HSPD1: variants seen among roughly 807,000 people sequenced by gnomAD.
HSPD1 encodes heat shock protein family D (Hsp60) member 1.
A neutral mutation model predicts 53.0 loss-of-function variants in HSPD1; 3 were observed. The observed-to-expected ratio is 0.06, with a 90% CI of 0.03 to 0.15. The LOEUF is 0.15. Ranked by LOEUF, HSPD1 falls within the 10% of genes least tolerant of loss-of-function variation. HSPD1 has a pLI of 1.00. For missense variants in HSPD1, 431 were observed against 694.1 expected (o/e 0.62, Z 4.26); for synonymous variants, 200 against 228.0 (o/e 0.88, Z 1.10).
At chr2:197,490,085 G>A (rs2086072336) in intron 8 of HSPD1, 112 bp downstream of exon 8, 7 of 855,448 alleles carry the variant, frequency 8.2e-6, no homozygotes, top group South Asian at 6.9e-5. Context: ...ACCTTCCAAA[G>A]AGCCAAAAGA....
rs528363238 is a variant in HSPD1 at position 197,490,219 on chromosome 2, A to G, written c.947T>C (p.Met316Thr). The G allele has an allele frequency of 2.2e-5, 35 of 1,613,170 alleles. No homozygotes were observed. Among genetic ancestry groups the G allele is most frequent in the South Asian group, 2.1e-4 (19 of 91,064 alleles). The change falls in exon 8 of 12, where the codon ATG (methionine) becomes ACG (threonine). Residue 316 changes from methionine to threonine, a missense_variant. By Grantham distance (81) the Met-to-Thr change is moderately conservative (BLOSUM62 -1). This residue lies in a region of HSPD1 where 386 missense variants were observed against 657.6 expected (regional missense o/e 0.59). Coordinates refer to ENST00000388968, the MANE Select transcript of HSPD1 (RefSeq NM_002156.5). ...TACTGCACCACCAGTAGCAATAGCCATATCTTTAAGCTGGTTCTTTCTATT... is the reference window on the plus strand; with the variant it reads ...TACTGCACCACCAGTAGCAATAGCCGTATCTTTAAGCTGGTTCTTTCTATT... ...GDNRKNQLKD[M>T]AIATGGAVFG... is the part of the protein sequence containing the mutation.
In HSPD1 at chr2:197,486,815, A is replaced by G. The variant is rs2086031131; in HGVS notation, c.*231T>C. 1 of 521,372 alleles carries G rather than the reference A, an allele frequency of 1.9e-6. No individual in the cohort carries two copies. The highest frequency in any genetic ancestry group is 3.5e-5 in the East Asian group (1 of 28,662). The allele number at this position is 521,372 out of a possible 1,614,324, so 32.3% of individuals were successfully genotyped here. A position where few individuals can be genotyped will look rare whatever the true frequency, so the allele number is the denominator to read the frequency against. Reference sequence around the variant, plus strand: ...TTGTACCCAGTATCAGGAATGTACAAATGTTTTTTATTCAAAAATACAAAA... The same window carrying G: ...TTGTACCCAGTATCAGGAATGTACAGATGTTTTTTATTCAAAAATACAAAA... On this transcript the variant is annotated 3_prime_UTR_variant, in exon 12 of 12. Transcript: ENST00000388968.
At chr2:197,487,362 C>A (rs1044716981) in intron 11 of HSPD1, among the ~76,000 whole-genome samples, 164 bp from the exon 12 acceptor site, 1 of 152,124 alleles carries the variant, frequency 6.6e-6, no homozygotes, top group African/African-American at 2.4e-5. Flanking sequence ...GCCTGGCCAA[C>A]ATGATGAGAC....
At position 197,490,211 on chromosome 2, in the gene HSPD1, C is replaced by T; in HGVS notation, c.955G>A (p.Ala319Thr). Reference protein sequence around the residue: ...RKNQLKDMAIATGGAVFGEEG... With the variant: ...RKNQLKDMAITTGGAVFGEEG... ...ATTTTACTTACTGCACCACCAGTAG[C>T]AATAGCCATATCTTTAAGCTGGTTC... The change falls in exon 8 of 12, where the codon GCT becomes ACT. Residue 319 changes from alanine to threonine, a missense_variant. Ala to Thr is a moderately conservative substitution (Grantham distance 58, BLOSUM62 0). Transcript: ENST00000388968. 1 of 1,610,816 alleles carries T rather than the reference C, an allele frequency of 6.2e-7. No individual in the cohort carries two copies. Among genetic ancestry groups the T allele is most frequent in the Non-Finnish European group, 8.5e-7 (1 of 1,177,164 alleles).
chr2:197,494,963 A>T, intron 4 of HSPD1: 1 of 606,400 alleles, frequency 1.6e-6, no homozygotes, highest in Non-Finnish European at 2.9e-6. Context: ...ATGATACATA[A>T]AACTATTCTT....
rs879711936 is a variant in HSPD1, at chr2:197,495,489, A to AT, written c.428-114dup. ...TTAATGCCTTAACTTAAAAAAAAAA[A>AT]TTTTTTTTTTTTTTGAGACAGGGTC... is the stretch of plus-strand genomic sequence containing the variant. On this transcript the variant is annotated intron_variant, in intron 3 of 11. Coordinates refer to ENST00000388968, the MANE Select transcript of HSPD1 (RefSeq NM_002156.5). 0.049 allele frequency: 24,820 copies of AT among 501,754 alleles called. 13 individuals carry two copies. Among genetic ancestry groups the AT allele is most frequent in the East Asian group, 0.061 (1,439 of 23,714 alleles). The allele number at this position is 501,754 out of a possible 1,614,324, so 31.1% of individuals were successfully genotyped here.
Position 197,499,063 on chromosome 2 carries a change from A to G in HSPD1, c.-2-213T>C, listed in dbSNP as rs73988475. The G allele has an allele frequency of 7.7e-3, 4,755 of 619,136 alleles. 154 individuals carry two copies. The African/African-American group carries it at 0.08, about 10-fold the overall frequency. 38.4% of individuals were successfully genotyped at this position (619,136 alleles called of 1,614,324 possible). On this transcript the variant is annotated intron_variant, in intron 1 of 11. Transcript: ENST00000388968. The stretch of plus-strand genomic sequence containing the variant: ...GGCCGCCCCGGCCGGCGCCTGACCT[A>G]TAGCACCAGCACAAAGCACATGCGG...
At chr2:197,498,634 TTAA>T (rs1395205558) in intron 2 of HSPD1, 38 bp downstream of exon 2, 1 of 1,550,320 alleles carries the variant, frequency 6.5e-7, no homozygotes. Context: ...TAAAATGCTA[TTAA>T]TAATACCGTA....
At chr2:197,495,190 T>C (rs562076699) in intron 4 of HSPD1, 104 bp downstream of exon 4, 31 of 712,622 alleles carry the variant, frequency 4.4e-5, no homozygotes, top group Middle Eastern at 3.7e-4. Context: ...ATATTGATGA[T>C]TGGGTAGTAT....
At chr2:197,497,565 TACA>T (rs1394321119) in intron 2 of HSPD1, 173 bp from the exon 3 acceptor site, 2 of 656,782 alleles carry the variant, frequency 3.0e-6, no homozygotes, top group Non-Finnish European at 5.3e-6. Context: ...ATTCTTTGTC[TACA>T]GACAAAATGA....
At chr2:197,498,262 C>A (rs1378572564) in intron 2 of HSPD1, among the ~76,000 whole-genome samples, 1 of 152,094 alleles carries the variant, frequency 6.6e-6, no homozygotes, top group Non-Finnish European at 1.5e-5. Context: ...GTACATTTTA[C>A]TACAATAAAC....
At chr2:197,499,130 T>C in intron 1 of HSPD1, 1 of 515,666 alleles carries the variant, frequency 1.9e-6, no homozygotes, top group Non-Finnish European at 3.5e-6. Context: ...CAAAAACGAG[T>C]TAATCTTTCA....
intron 6 of HSPD1, 103 bp from the exon 7 acceptor site, chr2:197,493,595 G>A: frequency 1.2e-6 from 1 of 846,360 alleles, no homozygotes; most frequent in Non-Finnish European, 2.0e-6. Context: ...ATTCACCAGT[G>A]AGTTGGTTTT....
At chr2:197,490,446 T>G (rs2086077310) in intron 7 of HSPD1, 150 bp from the exon 8 acceptor site, 1 of 648,172 alleles carries the variant, frequency 1.5e-6, no homozygotes, top group Non-Finnish European at 2.7e-6. Context: ...TTCCTAGCAA[T>G]TTTTGATCAA....
chr2:197,499,361 A>T, intron 1 of HSPD1: 1 of 164,150 alleles, frequency 6.1e-6, no homozygotes, highest in Non-Finnish European at 1.3e-5. Context: ...GGCCCGGCCC[A>T]CTCGGCGCGA....
chr2:197,487,828 A>C, intron 11 of HSPD1, 30 bp downstream of exon 11: 1 of 1,588,402 alleles, frequency 6.3e-7, no homozygotes, highest in South Asian at 1.1e-5. Context: ...GAACAACAAA[A>C]GAATTTTTAG....
In HSPD1 at chr2:197,497,188, C is replaced by T. The variant is rs2086169196; in HGVS notation, c.379G>A (p.Gly127Ser). 1 of 1,614,126 alleles carries T rather than the reference C, an allele frequency of 6.2e-7. No homozygotes were observed. Among genetic ancestry groups the T allele is most frequent in the East Asian group, 2.2e-5 (1 of 44,886 alleles). Residue 127 changes from glycine (G) to serine (S), a missense_variant, in exon 3 of 12, where the codon GGC becomes AGC. Coordinates refer to ENST00000388968, the MANE Select transcript of HSPD1 (RefSeq NM_002156.5). Reference protein sequence around the residue: ...TVLARSIAKEGFEKISKGANP... With the variant: ...TVLARSIAKESFEKISKGANP... Reference sequence around the variant, plus strand: ...GCACCTTTGCTAATCTTCTCGAAGCCTTCCTTGGCTATAGAGCGTGCCAGT... The same window carrying T: ...GCACCTTTGCTAATCTTCTCGAAGCTTTCCTTGGCTATAGAGCGTGCCAGT...
At chr2:197,495,861 G>A (rs974240221) in intron 3 of HSPD1, among the ~76,000 whole-genome samples, 3 of 152,288 alleles carry the variant, frequency 2.0e-5, no homozygotes, top group Middle Eastern at 3.4e-3. Context: ...GGTTCACACA[G>A]TAAATAAAAT....
At chr2:197,500,121 C>T (rs2086228464), upstream of HSPD1, 2 of 467,488 alleles carry the variant, frequency 4.3e-6, no homozygotes, top group South Asian at 2.7e-5. Flanking sequence ...GGTCAAATCG[C>T]GTCATTTCCG....
Sources: allele counts gnomAD v4.1 joint callset (sites outside exome capture counted in the v4.1 genomes callset), GRCh38; gene constraint gnomAD v4.1.1; regional missense constraint gnomAD v4.1.1; transcripts MANE v1.5; gene names NCBI Gene and HGNC (gene_info 2026-07-23, HGNC 2026-07-21).